The following CCDC73 variants were observed in gnomAD, a reference collection of about 807,000 sequenced individuals.
CCDC73 encodes the protein coiled-coil domain containing 73.
A neutral mutation model predicts 116.5 loss-of-function variants in CCDC73; 95 were observed. The observed-to-expected ratio is 0.82, with a 90% CI of 0.69 to 0.97. The LOEUF (loss-of-function observed/expected upper bound fraction) is 0.97. CCDC73 is among the 50% of genes least tolerant of loss of function. CCDC73 has a pLI of 0.00. For missense variants in CCDC73, 1,066 were observed against 1,206.8 expected (o/e 0.88, Z 1.73); for synonymous variants, 398 against 401.3 (o/e 0.99, Z 0.10).
At chr11:32,808,593 T>G in the CCDC73 span, among the ~76,000 whole-genome samples, 2 of 151,762 alleles carry the variant, frequency 1.3e-5, no homozygotes, top group Non-Finnish European at 2.9e-5. Context: ...GAGCTGAGAT[T>G]GTGCCACTGC....
intron 3 of CCDC73, among the ~76,000 whole-genome samples, chr11:32,705,135 C>T (rs1169671220): frequency 6.6e-6 from 1 of 152,210 alleles, no homozygotes; most frequent in Non-Finnish European, 1.5e-5. Flanking sequence ...CGGGAAACAG[C>T]AGTGGGGCTA....
intron 13 of CCDC73, among the ~76,000 whole-genome samples, chr11:32,637,884 C>CA: frequency 6.6e-6 from 1 of 152,210 alleles, no homozygotes; most frequent in East Asian, 1.9e-4. Flanking sequence ...TTAACATCTC[C>CA]AAATGGATAG....
At chr11:32,743,794 AAGG>A (rs779586519) in intron 2 of CCDC73, among the ~76,000 whole-genome samples, 4 of 152,196 alleles carry the variant, frequency 2.6e-5, no homozygotes, top group Non-Finnish European at 5.9e-5. Flanking sequence ...TTATCAGCTT[AAGG>A]AGATTTGGGG....
At chr11:32,793,617 A>T (rs1483016379) in intron 1 of CCDC73, among the ~76,000 whole-genome samples, 2 of 102,608 alleles carry the variant, frequency 1.9e-5, no homozygotes, top group African/African-American at 6.3e-5. Context: ...ATTTTATTTT[A>T]TTTTATTTTT....
At chr11:32,721,596 CTT>C (rs751028003) in intron 2 of CCDC73, among the ~76,000 whole-genome samples, 18 of 140,922 alleles carry the variant, frequency 1.3e-4, no homozygotes, top group Admixed American at 7.1e-5. Flanking sequence ...CTATGACTCA[CTT>C]TTTTTTTTTT....
intron 6 of CCDC73, among the ~76,000 whole-genome samples, 193 bp downstream of exon 6, chr11:32,699,057 TC>T (rs1248835301): frequency 6.6e-6 from 1 of 151,758 alleles, no homozygotes; most frequent in Non-Finnish European, 1.5e-5. Flanking sequence ...TTTTAATATT[TC>T]TTTTTAAAAT....
intron 1 of CCDC73, among the ~76,000 whole-genome samples, chr11:32,780,906 T>G (rs879571340): frequency 6.6e-5 from 10 of 152,198 alleles, no homozygotes; most frequent in South Asian, 6.2e-4. Flanking sequence ...TCTTAACCAC[T>G]ATATTATAGT....
chr11:32,815,797 TCATCTCC>T, the CCDC73 span, among the ~76,000 whole-genome samples: 18 of 152,322 alleles, frequency 1.2e-4, no homozygotes, highest in Admixed American at 9.2e-4. Context: ...TTTTCCAGAC[TCATCTCC>T]CTGAAACCAC....
intron 3 of CCDC73, among the ~76,000 whole-genome samples, chr11:32,711,512 C>T (rs947646957): frequency 1.3e-5 from 2 of 148,806 alleles, no homozygotes; most frequent in Admixed American, 6.6e-5. Flanking sequence ...AAATTGGAGA[C>T]TTTATGCCAA....
At chr11:32,685,134 T>C (rs904042953) in intron 6 of CCDC73, among the ~76,000 whole-genome samples, 1 of 152,104 alleles carries the variant, frequency 6.6e-6, no homozygotes, top group Non-Finnish European at 1.5e-5. Flanking sequence ...TTTAGCCTAC[T>C]GCCATGAATG....
intron 5 of CCDC73, among the ~76,000 whole-genome samples, 165 bp downstream of exon 5, chr11:32,700,626 T>C (rs1365701332): frequency 6.6e-6 from 1 of 152,216 alleles, no homozygotes; most frequent in East Asian, 1.9e-4. Context: ...TCTTGGGTCC[T>C]TTCTAAGATT....
At chr11:32,790,741 T>C (rs1431070249) in intron 1 of CCDC73, among the ~76,000 whole-genome samples, 1 of 152,012 alleles carries the variant, frequency 6.6e-6, no homozygotes, top group African/African-American at 2.4e-5. Context: ...ACTGTATATG[T>C]GTGAAGAGAT....
chr11:32,630,492 C>T (rs928068231), intron 14 of CCDC73, among the ~76,000 whole-genome samples: 4 of 152,090 alleles, frequency 2.6e-5, no homozygotes, highest in African/African-American at 4.8e-5. Context: ...CACAGGCGCA[C>T]GTCACCACAT....
chr11:32,742,744 G>A (rs1168980374), intron 2 of CCDC73, among the ~76,000 whole-genome samples: 2 of 152,152 alleles, frequency 1.3e-5, no homozygotes, highest in African/African-American at 4.8e-5. Flanking sequence ...CCTATGTCCT[G>A]AATGGTATTG....
intron 1 of CCDC73, among the ~76,000 whole-genome samples, chr11:32,781,965 CA>C (rs1326924806): frequency 6.6e-6 from 1 of 152,160 alleles, no homozygotes; most frequent in Non-Finnish European, 1.5e-5. Flanking sequence ...TATTTACAGC[CA>C]CTCCCCATTG....
intron 13 of CCDC73, among the ~76,000 whole-genome samples, chr11:32,641,327 A>C (rs1278099789): frequency 1.3e-5 from 2 of 152,114 alleles, no homozygotes; most frequent in African/African-American, 4.8e-5. Context: ...CTTGGGGTCC[A>C]CCAATGTTTA....
chr11:32,734,922 A>T (rs1313568160), intron 2 of CCDC73, among the ~76,000 whole-genome samples: 1 of 152,254 alleles, frequency 6.6e-6, no homozygotes, highest in East Asian at 1.9e-4. Context: ...CAAAAACCAC[A>T]TGATTATCTC....
rs1015489898 is a variant in CCDC73, at chr11:32,639,156, C to A, written c.1050+2816G>T. ...GAGCGAGACTCCATCTTCCCCGACA[C>A]CCCCCCCAAAAAATCCTATTCCATC... On this transcript the variant is annotated intron_variant, in intron 13 of 17. Transcript: ENST00000335185. Among the ~76,000 whole-genome samples the A allele has an allele frequency of 4.9e-5, 4 of 82,138 alleles. No homozygotes were observed. The Admixed American group carries it at 5.1e-4, about 10-fold the overall frequency. The allele number at this position is 82,138 out of a possible 152,430, so 53.9% of individuals were successfully genotyped here.
At chr11:32,630,376 G>C (rs528273956) in intron 14 of CCDC73, among the ~76,000 whole-genome samples, 3 of 144,670 alleles carry the variant, frequency 2.1e-5, no homozygotes, top group African/African-American at 7.8e-5. Flanking sequence ...ATGGAGTCTC[G>C]CTCTGTTGCC....
Sources: allele counts gnomAD v4.1 joint callset (sites outside exome capture counted in the v4.1 genomes callset), GRCh38; gene constraint gnomAD v4.1.1; transcripts MANE v1.5; gene names NCBI Gene and HGNC (gene_info 2026-07-23, HGNC 2026-07-21).